The following C2CD3 variants were observed in gnomAD, a reference collection of about 807,000 sequenced individuals.
C2CD3 encodes C2 domain-containing protein 3.
A neutral mutation model predicts 234.0 loss-of-function variants in C2CD3; 148 were observed. The ratio of observed to expected loss-of-function variants is 0.63; its 90% CI spans 0.55 to 0.72. C2CD3 has a LOEUF of 0.72. Among genes scored for constraint, C2CD3 ranks in the 30% least tolerant of loss-of-function variants. The pLI is 0.00. For missense variants in C2CD3, 2,577 were observed against 2,811.5 expected, an observed-to-expected ratio of 0.92 and a Z score of 1.89; for synonymous variants, 1,000 against 1,035.4, an observed-to-expected ratio of 0.97 and a Z score of 0.66.
rs1957535689 is a variant in C2CD3, at chr11:74,129,183, T to C, written c.1217+3661A>G. The C allele has an allele frequency of 2.1e-4, 36 of 171,090 alleles. No individual in the cohort carries two copies. The South Asian group carries it at 3.6e-3, about 17-fold the overall frequency. 10.6% of individuals were successfully genotyped at this position (171,090 alleles called of 1,614,324 possible). A position where few individuals can be genotyped will look rare whatever the true frequency, so the allele number is the denominator to read the frequency against. ...GCTGGCCGGGCGGGGAGCTGACCCC[T>C]CACCTCCCTCCGGGACGGGGTGGCT... On this transcript the variant is annotated intron_variant, in intron 7 of 32. Coordinates refer to ENST00000334126, the MANE Select transcript of C2CD3 (RefSeq NM_001286577.2).
Position 74,103,517 on chromosome 11 carries a change from C to G in C2CD3, c.2194G>C (p.Ala732Pro). 1 of 1,614,080 alleles carries G rather than the reference C, an allele frequency of 6.2e-7. No individual in the cohort carries two copies. ...ATATCTTGGTTAAGTTCTGGTAGTG[C>G]CTTATTTGGACTTGTAGGAGCACAA... ...PLCAPTSPNK[A>P]LPELNQDMTC... Residue 732 changes from alanine (A) to proline (P), a missense_variant, in exon 14 of 33, where the codon GCA (alanine) becomes CCA (proline). Transcript: ENST00000334126.
chr11:74,045,436 A>G (rs1953313389), intron 28 of C2CD3, among the ~76,000 whole-genome samples: 2 of 152,362 alleles, frequency 1.3e-5, no homozygotes, highest in Non-Finnish European at 2.9e-5. Flanking sequence ...CAAAGCCAGC[A>G]GGAATTTTGA....
At chr11:74,160,386 C>T (rs538459631) in intron 3 of C2CD3, among the ~76,000 whole-genome samples, 20 of 152,048 alleles carry the variant, frequency 1.3e-4, no homozygotes, top group South Asian at 8.3e-4. Flanking sequence ...TATATATACA[C>T]GATGGAATAC....
chr11:74,154,099 A>T (rs572634110), intron 3 of C2CD3, among the ~76,000 whole-genome samples: 1 of 152,262 alleles, frequency 6.6e-6, no homozygotes, highest in East Asian at 1.9e-4. Flanking sequence ...ACTAAAAGCC[A>T]AAACTATAAA....
chr11:74,066,128 T>C (rs1269550966), intron 24 of C2CD3, among the ~76,000 whole-genome samples: 1 of 150,756 alleles, frequency 6.6e-6, no homozygotes, highest in Admixed American at 6.6e-5. Flanking sequence ...TAAGAAAGGA[T>C]GAGTTCGTGT....
intron 17 of C2CD3, 97 bp from the exon 18 acceptor site, chr11:74,094,096 C>T: frequency 1.0e-6 from 1 of 990,248 alleles, no homozygotes; most frequent in Non-Finnish European, 1.5e-6. Context: ...TAGTAATTCC[C>T]TAGTAGTTAT....
In C2CD3 at chr11:74,106,483, A is replaced by G. The variant is rs111351931; in HGVS notation, c.1973T>C (p.Ile658Thr). The G allele has an allele frequency of 2.6e-5, 42 of 1,613,836 alleles. No homozygotes were observed. The highest frequency in any genetic ancestry group is 3.2e-5 in the Non-Finnish European group (38 of 1,179,872). The change falls in exon 13 of 33, where the codon ATT (isoleucine) becomes ACT (threonine). Residue 658 changes from isoleucine to threonine, a missense_variant. Transcript: ENST00000334126. ...TCGCAAAGAAAGTGACACAGATCCA[A>G]TGACTTCTGGCTGAGAAAGAAGGAA... ...KKTPQKKPEV[I>T]GSVSLSLRAV...
At chr11:74,054,408 T>TAAA in intron 26 of C2CD3, among the ~76,000 whole-genome samples, 199 bp downstream of exon 26, 1 of 146,340 alleles carries the variant, frequency 6.8e-6, no homozygotes, top group Admixed American at 6.7e-5. Flanking sequence ...AAAAAAAAAT[T>TAAA]TTTTTTTTCT....
At position 74,012,794 on chromosome 11, in the gene C2CD3, A is replaced by G. The variant is rs1951742684; in HGVS notation, c.*591T>C. 6.6e-6 allele frequency: 1 copy of G among 152,236 alleles called. No homozygotes were observed. 9.4% of individuals were successfully genotyped at this position (152,236 alleles called of 1,614,324 possible). A position where few individuals can be genotyped will look rare whatever the true frequency, so the allele number is the denominator to read the frequency against. On this transcript the variant is annotated 3_prime_UTR_variant, in exon 33 of 33. Coordinates refer to ENST00000334126, the MANE Select transcript of C2CD3 (RefSeq NM_001286577.2). The stretch of plus-strand genomic sequence containing the variant: ...CAGAGCTGGGTAAAAATAATAAGTT[A>G]AAAGCATGGTTAGAATTTTAGACAA...
intron 22 of C2CD3, among the ~76,000 whole-genome samples, chr11:74,083,876 A>C (rs1590748164): frequency 6.6e-6 from 1 of 152,166 alleles, no homozygotes; most frequent in Non-Finnish European, 1.5e-5. Flanking sequence ...ACTGTGGAAG[A>C]CAGTGTGGCG....
chr11:74,042,290 C>A, intron 28 of C2CD3, 72 bp from the exon 29 acceptor site: 2 of 1,447,058 alleles, frequency 1.4e-6, no homozygotes, highest in Non-Finnish European at 1.9e-6. Context: ...GCTAGTGTGA[C>A]AATAAACAAA....
In C2CD3 at chr11:74,057,386, G is replaced by A. The variant is rs1347572626; in HGVS notation, c.5090+20C>T. On this transcript the variant is annotated intron_variant, in intron 25 of 32. Coordinates refer to ENST00000334126, the MANE Select transcript of C2CD3 (RefSeq NM_001286577.2). ...AAAAAGCAGATTCTGGAAGGCTGAC[G>A]AATAACGGATAACACAAACCTTGAC... The A allele has an allele frequency of 5.0e-6, 8 of 1,613,714 alleles. No homozygotes were observed. The highest frequency in any genetic ancestry group is 1.7e-4 in the Middle Eastern group (1 of 6,058).
At position 74,147,853 on chromosome 11, in the gene C2CD3, A is replaced by G. The variant is rs542539858; in HGVS notation, c.484-8025T>C. On this transcript the variant is annotated intron_variant, in intron 3 of 32. Coordinates refer to ENST00000334126, the MANE Select transcript of C2CD3 (RefSeq NM_001286577.2). ...CTGATGGCATGAAATACATTCCTAA[A>G]ATTGTAGAGCTAAAGACTGATAACC... Among the ~76,000 whole-genome samples, 5 of 152,338 alleles carry G rather than the reference A, an allele frequency of 3.3e-5. No homozygotes were observed. In the South Asian group the frequency reaches 1.0e-3, roughly 32 times the overall value.
chr11:74,037,727 AAG>A, intron 29 of C2CD3, 29 bp from the exon 30 acceptor site: 1 of 1,536,216 alleles, frequency 6.5e-7, no homozygotes, highest in Non-Finnish European at 9.0e-7. Context: ...GAAGAAGACA[AAG>A]GGGTAATTCA....
chr11:74,100,781 C>T (rs966970422), intron 14 of C2CD3, 105 bp from the exon 15 acceptor site: 3 of 953,228 alleles, frequency 3.1e-6, no homozygotes, highest in African/African-American at 3.3e-5. Flanking sequence ...ATTGTTAACA[C>T]ACAGTGTTAT....
chr11:74,141,542 T>C (rs1469675549), intron 3 of C2CD3, among the ~76,000 whole-genome samples: 1 of 152,194 alleles, frequency 6.6e-6, no homozygotes, highest in Non-Finnish European at 1.5e-5. Flanking sequence ...CTTTAACTCA[T>C]AGGCCTGTAC....
At chr11:74,062,869 T>C (rs1049983013) in intron 24 of C2CD3, among the ~76,000 whole-genome samples, 8 of 149,216 alleles carry the variant, frequency 5.4e-5, no homozygotes, top group African/African-American at 2.0e-4. Context: ...TCAACAAAAT[T>C]GACAGACCAC....
chr11:74,058,334 T>A (rs547622584), intron 24 of C2CD3, among the ~76,000 whole-genome samples: 1 of 152,222 alleles, frequency 6.6e-6, no homozygotes, highest in African/African-American at 2.4e-5. Flanking sequence ...TACTGTGATA[T>A]GTAAGGCACT....
chr11:74,037,609 G>GT lies in C2CD3; in HGVS notation c.5749dup (p.Thr1917AsnfsTer11), dbSNP rs1565215813. ...GCTCTCCTGGTGCTGTGAGATGGCC[G>GT]TTTGAGTCTGAGGGCTGAGGGGTAG... On this transcript the variant is annotated frameshift_variant, in exon 30 of 33. Coordinates refer to ENST00000334126, the MANE Select transcript of C2CD3 (RefSeq NM_001286577.2). LOFTEE classifies it high-confidence loss of function. The GT allele has an allele frequency of 6.2e-7, 1 of 1,614,104 alleles. No homozygotes were observed. Among genetic ancestry groups the GT allele is most frequent in the Admixed American group, 1.7e-5 (1 of 60,028 alleles).
Sources: allele counts gnomAD v4.1 joint callset (sites outside exome capture counted in the v4.1 genomes callset), GRCh38; gene constraint gnomAD v4.1.1; transcripts MANE v1.5; gene names NCBI Gene and HGNC (gene_info 2026-07-23, HGNC 2026-07-21).